The following ARMH1 variants were observed in gnomAD, a reference collection of about 807,000 sequenced individuals.
The protein encoded by ARMH1 is armadillo like helical domain containing 1.
A neutral mutation model predicts 50.2 loss-of-function variants in ARMH1; 34 were observed. That is an observed-to-expected ratio of 0.68 (90% confidence interval 0.51 to 0.90). The LOEUF is 0.90. ARMH1 is among the 40% of genes least tolerant of loss of function. ARMH1 has a pLI of 0.00. For missense variants in ARMH1, 538 were observed against 553.9 expected, an observed-to-expected ratio of 0.97 and a Z score of 0.29; for synonymous variants, 221 against 224.2, an observed-to-expected ratio of 0.99 and a Z score of 0.13.
chr1:44,721,162 G>C (rs1374237232), intron 6 of ARMH1, among the ~76,000 whole-genome samples: 1 of 152,074 alleles, frequency 6.6e-6, no homozygotes, highest in Non-Finnish European at 1.5e-5. Context: ...TACCCTCAAG[G>C]TCAAGGTGGG....
intron 4 of ARMH1, among the ~76,000 whole-genome samples, chr1:44,700,666 T>C (rs1014235453): frequency 2.6e-5 from 4 of 151,514 alleles, no homozygotes; most frequent in South Asian, 4.2e-4. Flanking sequence ...AAAATGCATG[T>C]TTTATTTGTA....
intron 6 of ARMH1, among the ~76,000 whole-genome samples, chr1:44,715,144 T>C (rs79324533): frequency 1.3e-5 from 2 of 152,212 alleles, no homozygotes; most frequent in African/African-American, 4.8e-5. Flanking sequence ...ACTTCTCATA[T>C]GTGTCCAGTA....
chr1:44,702,613 G>A (rs1322949770), intron 5 of ARMH1, among the ~76,000 whole-genome samples: 1 of 150,546 alleles, frequency 6.6e-6, no homozygotes, highest in African/African-American at 2.4e-5. Context: ...TCGGGAGGCT[G>A]AGGCAGGAGA....
chr1:44,714,922 T>C (rs1022818999), intron 6 of ARMH1, among the ~76,000 whole-genome samples: 1 of 151,862 alleles, frequency 6.6e-6, no homozygotes, highest in African/African-American at 2.4e-5. Flanking sequence ...GTTTTACTGT[T>C]TCCCAGGCTG....
chr1:44,705,336 C>T (rs898545886), intron 6 of ARMH1, among the ~76,000 whole-genome samples: 47 of 151,834 alleles, frequency 3.1e-4, no homozygotes, highest in African/African-American at 1.1e-3. Flanking sequence ...ACTAAGAATA[C>T]AAAAAAATTA....
At chr1:44,721,853 C>A (rs567721620) in intron 6 of ARMH1, 2 of 152,158 alleles carry the variant, frequency 1.3e-5, no homozygotes, top group South Asian at 2.1e-4. Flanking sequence ...CCACGGAAAT[C>A]TTTAGTAAAA....
intron 4 of ARMH1, among the ~76,000 whole-genome samples, chr1:44,700,123 C>A (rs1296588454): frequency 1.3e-5 from 2 of 152,160 alleles, no homozygotes; most frequent in African/African-American, 4.8e-5. Flanking sequence ...AGCCACAACG[C>A]CTGACGAACA....
chr1:44,717,047 C>T (rs1443381390), intron 6 of ARMH1, among the ~76,000 whole-genome samples: 2 of 152,016 alleles, frequency 1.3e-5, no homozygotes, highest in African/African-American at 4.8e-5. Context: ...GACGGGGTTT[C>T]ACCATCTTGG....
Position 44,725,147 on chromosome 1 carries a change from G to A in ARMH1, c.1140G>A (p.Glu380=), listed in dbSNP as rs913907257. 4 of 1,551,834 alleles carry A rather than the reference G, an allele frequency of 2.6e-6. No individual in the cohort carries two copies. The highest frequency in any genetic ancestry group is 1.4e-5 in the African/African-American group (1 of 73,060). Residue 380 remains glutamate, a synonymous_variant, in exon 11 of 12, where the codon GAG becomes GAA. Coordinates refer to ENST00000535358, the MANE Select transcript of ARMH1 (RefSeq NM_001145636.2). ...ELYQLFLSNA[E]DLYMKIDSIQ... is the part of the protein sequence containing the mutation. Reference sequence around the variant, plus strand: ...GCTCCTGTCCTCAGAGCAACGCTGAGGACTTGTACATGAAAATAGACAGCA... The same window carrying A: ...GCTCCTGTCCTCAGAGCAACGCTGAAGACTTGTACATGAAAATAGACAGCA...
At position 44,689,842 on chromosome 1, in the gene ARMH1, CAGG is replaced by C. The variant is rs1442637004; in HGVS notation, c.148_150del (p.Glu50del). The C allele has an allele frequency of 3.2e-6, 5 of 1,551,366 alleles. No individual in the cohort carries two copies. Among genetic ancestry groups the C allele is most frequent in the African/African-American group, 2.7e-5 (2 of 73,000 alleles). ...AGGCAAGACTGCCCCTGAACTGGAGCAGGAGTTTTCCCAGGGAGCCAGTTTGTT... is the reference window on the plus strand; with the variant it reads ...AGGCAAGACTGCCCCTGAACTGGAGCAGTTTTCCCAGGGAGCCAGTTTGTT... On this transcript the variant is annotated inframe_deletion, in exon 2 of 12. Coordinates refer to ENST00000535358, the MANE Select transcript of ARMH1 (RefSeq NM_001145636.2).
In ARMH1 at chr1:44,683,099, G is replaced by C. The variant is rs1645364954; in HGVS notation, c.-22-6577G>C. ...GTGAAGACAGACAGACTGATCTCAG[G>C]GAAATTTAGGACATGTAATTGGCAG... On this transcript the variant is annotated intron_variant, in intron 1 of 11. Transcript: ENST00000535358. The surrounding 1 kb of genome is among the most constrained non-coding windows in gnomAD (Gnocchi z 4.2). Among the ~76,000 whole-genome samples, 1 of 152,218 alleles carries C rather than the reference G, an allele frequency of 6.6e-6. No homozygotes were observed. Among genetic ancestry groups the C allele is most frequent in the South Asian group, 2.1e-4 (1 of 4,826 alleles).
At chr1:44,694,138 G>C (rs997651428) in intron 2 of ARMH1, among the ~76,000 whole-genome samples, 5 of 152,196 alleles carry the variant, frequency 3.3e-5, no homozygotes, top group Admixed American at 6.5e-5. Flanking sequence ...CTTACTAAAT[G>C]AATGAACCAT....
intron 4 of ARMH1, among the ~76,000 whole-genome samples, chr1:44,699,755 T>C (rs1645976724): frequency 6.6e-6 from 1 of 151,994 alleles, no homozygotes; most frequent in African/African-American, 2.4e-5. Flanking sequence ...CCCTCAATAA[T>C]TTTAATATAG....
At chr1:44,680,301 C>T (rs1018983135) in intron 1 of ARMH1, among the ~76,000 whole-genome samples, 1 of 152,178 alleles carries the variant, frequency 6.6e-6, no homozygotes, top group Non-Finnish European at 1.5e-5. Flanking sequence ...CTCAGCCTCC[C>T]GAGTAGCTGG....
intron 1 of ARMH1, among the ~76,000 whole-genome samples, chr1:44,687,025 G>T (rs1645494464): frequency 1.3e-5 from 2 of 151,958 alleles, no homozygotes; most frequent in Non-Finnish European, 2.9e-5. Flanking sequence ...ATTGCCTAAG[G>T]TTGATACATC....
intron 4 of ARMH1, among the ~76,000 whole-genome samples, chr1:44,700,420 A>G (rs1362450363): frequency 1.3e-5 from 2 of 152,132 alleles, no homozygotes; most frequent in Non-Finnish European, 2.9e-5. Flanking sequence ...GATAAAGACC[A>G]TCCTGGCTAA....
At chr1:44,697,924 C>T (rs1304465367) in intron 3 of ARMH1, 139 bp from the exon 4 acceptor site, 1 of 562,510 alleles carries the variant, frequency 1.8e-6, no homozygotes, top group East Asian at 3.1e-5. Flanking sequence ...AATTTCCACA[C>T]TCGTATCACT....
chr1:44,725,271 C>A lies in ARMH1; in HGVS notation c.1211-20C>A. The A allele has an allele frequency of 1.3e-6, 2 of 1,551,796 alleles. No homozygotes were observed. The highest frequency in any genetic ancestry group is 1.7e-6 in the Non-Finnish European group (2 of 1,147,016). On this transcript the variant is annotated intron_variant, in intron 11 of 11. Coordinates refer to ENST00000535358, the MANE Select transcript of ARMH1 (RefSeq NM_001145636.2). Reference sequence around the variant, plus strand: ...CAGGCGCCGCCAGCACAGCCTCACGCCCGCCTTTCCTGCCTGCAGCCCTGT... The same window carrying A: ...CAGGCGCCGCCAGCACAGCCTCACGACCGCCTTTCCTGCCTGCAGCCCTGT...
chr1:44,723,277 A>G (rs934588445), intron 6 of ARMH1, among the ~76,000 whole-genome samples: 1 of 152,098 alleles, frequency 6.6e-6, no homozygotes, highest in Admixed American at 6.6e-5. Flanking sequence ...CTGTTTGTGC[A>G]CGCTTAAGGA....
Sources: allele counts gnomAD v4.1 joint callset (sites outside exome capture counted in the v4.1 genomes callset), GRCh38; gene constraint gnomAD v4.1.1; non-coding constraint Gnocchi (gnomAD v3.1); transcripts MANE v1.5; gene names NCBI Gene and HGNC (gene_info 2026-07-23, HGNC 2026-07-21).